PLA2G4F: variants seen among roughly 807,000 people sequenced by gnomAD.
PLA2G4F encodes cytosolic phospholipase A2 zeta.
In PLA2G4F, 105 loss-of-function variants were observed where a neutral mutation model predicts 103.1. The observed-to-expected ratio is 1.02, with a 90% CI of 0.87 to 1.20. The LOEUF is 1.20. PLA2G4F is among the 50% of genes most tolerant of loss of function. The pLI, the probability that PLA2G4F is intolerant of heterozygous loss-of-function variation, is 0.00. For missense variants in PLA2G4F, 1,155 were observed against 1,075.9 expected (o/e 1.07, Z -1.03); for synonymous variants, 468 against 441.1 (o/e 1.06, Z -0.76).
At position 42,151,089 on chromosome 15, in the gene PLA2G4F, T is replaced by G. The variant is rs897143783; in HGVS notation, c.602-312A>C. 4 of 985,210 alleles carry G rather than the reference T, an allele frequency of 4.1e-6. No homozygotes were observed. The African/African-American group carries it at 7.0e-5, about 17-fold the overall frequency. 61.0% of individuals were successfully genotyped at this position (985,210 alleles called of 1,614,324 possible). ...AGCCTGTGGGGCTGATGATTTGAGA[T>G]GATTCTATGTTTATCATAAGAATGA... On this transcript the variant is annotated intron_variant, in intron 7 of 19. Coordinates refer to ENST00000397272, the MANE Select transcript of PLA2G4F (RefSeq NM_213600.4).
chr15:42,142,366 A>C (rs1388567319), intron 19 of PLA2G4F, among the ~76,000 whole-genome samples, 162 bp from the exon 20 acceptor site: 1 of 152,172 alleles, frequency 6.6e-6, no homozygotes, highest in Non-Finnish European at 1.5e-5. Context: ...GGCTGGCCCC[A>C]TCTGAACGCT....
Position 42,150,475 on chromosome 15 carries a change from G to A in PLA2G4F, c.783C>T (p.Ser261=), listed in dbSNP as rs777650187. The change falls in exon 9 of 20, where the codon AGC becomes AGT. Residue 261 remains serine, a synonymous_variant. Coordinates refer to ENST00000397272, the MANE Select transcript of PLA2G4F (RefSeq NM_213600.4). The part of the protein sequence containing the change: ...ELLAAVQSGP[S]AELEAQTSKL... Reference sequence around the variant, plus strand: ...TGCTGGTCTGAGCCTCCAACTCTGCGCTGGGGCCACTCTGTGGAAAAGAAA... The same window carrying A: ...TGCTGGTCTGAGCCTCCAACTCTGCACTGGGGCCACTCTGTGGAAAAGAAA... 2.4e-5 allele frequency: 39 copies of A among 1,612,602 alleles called. 1 individual carries two copies. In the South Asian group the frequency reaches 2.5e-4, roughly 10 times the overall value.
chr15:42,152,390 C>T (rs1448350770), intron 7 of PLA2G4F, among the ~76,000 whole-genome samples: 3 of 152,210 alleles, frequency 2.0e-5, no homozygotes, highest in Non-Finnish European at 2.9e-5. Flanking sequence ...GGGCCACCCC[C>T]GCCAAGCCCA....
intron 7 of PLA2G4F, among the ~76,000 whole-genome samples, chr15:42,152,183 T>TA (rs1158901863): frequency 1.3e-5 from 2 of 152,224 alleles, no homozygotes; most frequent in Non-Finnish European, 2.9e-5. Context: ...AGGCCAACTA[T>TA]ATACCCTGCC....
At chr15:42,146,857 G>T in intron 13 of PLA2G4F, 1 of 436,218 alleles carries the variant, frequency 2.3e-6, no homozygotes, top group Non-Finnish European at 4.2e-6. Flanking sequence ...GCCGAGGCAT[G>T]GGTGTGTTTG....
intron 7 of PLA2G4F, among the ~76,000 whole-genome samples, chr15:42,151,975 TG>T (rs1173170113): frequency 6.6e-6 from 1 of 152,202 alleles, no homozygotes; most frequent in East Asian, 1.9e-4. Flanking sequence ...CAGGGTTCCC[TG>T]GGCAGGACTC....
chr15:42,149,793 A>G lies in PLA2G4F; in HGVS notation c.979T>C (p.Phe327Leu). Reference protein sequence around the residue: ...GFDLSDGEQEFLDRRKQVVSK... With the variant: ...GFDLSDGEQELLDRRKQVVSK... ...ACGACCTGCTTCCTCCTGTCCAGAA[A>G]CTCCTGCTCCCCGTCAGAGAGGTCA... Residue 327 changes from phenylalanine to leucine, a missense_variant, in exon 11 of 20, where the codon TTT becomes CTT. Transcript: ENST00000397272. 6.2e-7 allele frequency: 1 copy of G among 1,613,668 alleles called. No individual in the cohort carries two copies. The highest frequency in any genetic ancestry group is 1.7e-5 in the Admixed American group (1 of 59,990).
intron 1 of PLA2G4F, 90 bp from the exon 2 acceptor site, chr15:42,155,679 A>T: frequency 1.5e-6 from 2 of 1,328,348 alleles, no homozygotes; most frequent in Non-Finnish European, 2.1e-6. Context: ...TGGAGCAGCA[A>T]CCTGGCATAG....
intron 11 of PLA2G4F, 88 bp from the exon 12 acceptor site, chr15:42,147,850 A>C: frequency 6.5e-7 from 1 of 1,532,834 alleles, no homozygotes; most frequent in Non-Finnish European, 8.8e-7. Flanking sequence ...TTATTCTAAG[A>C]GTCTTACACG....
intron 16 of PLA2G4F, 145 bp downstream of exon 16, chr15:42,145,430 A>T: frequency 1.3e-6 from 1 of 798,094 alleles, no homozygotes; most frequent in Non-Finnish European, 2.0e-6. Flanking sequence ...TAGACACCCT[A>T]AGCTAGAAGT....
Position 42,147,706 on chromosome 15 carries a change from C to T in PLA2G4F, c.1116G>A (p.Leu372=), listed in dbSNP as rs747872651. ...CCTGCAACCCTGCCAGGCTGCCGTACAGAGAAGACATGGCTCGGGTTCCAC... is the reference window on the plus strand; with the variant it reads ...CCTGCAACCCTGCCAGGCTGCCGTATAGAGAAGACATGGCTCGGGTTCCAC... ...SGGGTRAMSS[L]YGSLAGLQEL... The change falls in exon 12 of 20, where the codon CTG becomes CTA. Residue 372 remains leucine (L), a synonymous_variant. Transcript: ENST00000397272. 6.2e-7 allele frequency: 1 copy of T among 1,614,152 alleles called. No homozygotes were observed. The highest frequency in any genetic ancestry group is 2.2e-5 in the East Asian group (1 of 44,880).
In PLA2G4F at chr15:42,152,866, G is replaced by A. The variant is rs898420057; in HGVS notation, c.535-112C>T. 3 of 1,027,864 alleles carry A rather than the reference G, an allele frequency of 2.9e-6. No individual in the cohort carries two copies. The South Asian group carries it at 4.9e-5, about 17-fold the overall frequency. The allele number at this position is 1,027,864 out of a possible 1,614,324, so 63.7% of individuals were successfully genotyped here. On this transcript the variant is annotated intron_variant, in intron 6 of 19. Transcript: ENST00000397272. ...GGGAAACAGCCATGGCCCCATCCAG[G>A]ATGGAGGGAGGGAGGAGTTCCTGGG...
intron 9 of PLA2G4F, 78 bp from the exon 10 acceptor site, chr15:42,150,219 C>T (rs1285398705): frequency 1.3e-6 from 2 of 1,591,360 alleles, no homozygotes; most frequent in Non-Finnish European, 1.7e-6. Flanking sequence ...ACCTGCAGCC[C>T]TTGCTGCCCT....
intron 1 of PLA2G4F, 21 bp downstream of exon 1, chr15:42,156,418 A>G (rs562893535): frequency 4.5e-6 from 7 of 1,543,044 alleles, no homozygotes; most frequent in Non-Finnish European, 6.1e-6. Context: ...CGGGTTTCCC[A>G]GGTAATCTCA....
At chr15:42,149,317 G>A (rs1179352687) in intron 11 of PLA2G4F, among the ~76,000 whole-genome samples, 2 of 152,138 alleles carry the variant, frequency 1.3e-5, no homozygotes, top group Non-Finnish European at 2.9e-5. Context: ...ACCCCAAGGC[G>A]CACGCTCTGC....
At chr15:42,151,679 A>G in intron 7 of PLA2G4F, 1 of 979,828 alleles carries the variant, frequency 1.0e-6, no homozygotes, top group Non-Finnish European at 1.2e-6. Context: ...CAAGAAAATA[A>G]GGAAAGTGAT....
Position 42,142,723 on chromosome 15 carries a change from G to A in PLA2G4F, c.2143-9C>T, listed in dbSNP as rs1245723998. The A allele has an allele frequency of 1.9e-6, 3 of 1,613,580 alleles. No individual in the cohort carries two copies. The highest frequency in any genetic ancestry group is 1.3e-5 in the African/African-American group (1 of 74,858). On this transcript the variant is annotated splice_polypyrimidine_tract_variant and intron_variant, in intron 18 of 19. Coordinates refer to ENST00000397272, the MANE Select transcript of PLA2G4F (RefSeq NM_213600.4). ...TCTGTCATCTTCAAGACCTGAGCAGGAGCAAGCCTCTGACTCTGCCTTTCC... is the reference window on the plus strand; with the variant it reads ...TCTGTCATCTTCAAGACCTGAGCAGAAGCAAGCCTCTGACTCTGCCTTTCC...
intron 19 of PLA2G4F, 102 bp from the exon 20 acceptor site, chr15:42,142,306 C>T (rs2048833556): frequency 1.6e-6 from 2 of 1,243,020 alleles, no homozygotes; most frequent in South Asian, 3.0e-5. Context: ...TGGCTGGCTC[C>T]CTGCGGGCCC....
intron 2 of PLA2G4F, 28 bp downstream of exon 2, chr15:42,155,489 A>G: frequency 6.2e-7 from 1 of 1,611,966 alleles, no homozygotes; most frequent in Non-Finnish European, 8.5e-7. Flanking sequence ...GAAAGGACAG[A>G]GAGAAGGATG....
Sources: gnomAD v4.1 joint callset for allele counts (sites outside exome capture counted in the v4.1 genomes callset) on GRCh38, gnomAD v4.1.1 for gene constraint, MANE v1.5 for transcripts, NCBI Gene and HGNC (gene_info 2026-07-23, HGNC 2026-07-21) for gene names.